Variants in PTPRO observed in about 807,000 individuals in gnomAD.
PTPRO encodes protein tyrosine phosphatase receptor type O.
A neutral mutation model predicts 145.2 loss-of-function variants in PTPRO; 62 were observed. That is an observed-to-expected ratio of 0.43 (90% CI 0.35 to 0.53). PTPRO has a LOEUF of 0.53. PTPRO is among the 20% of genes least tolerant of loss of function. The pLI, the probability that PTPRO is intolerant of heterozygous loss-of-function variation, is 0.01. For synonymous variants in PTPRO, 565 were observed against 514.7 expected (o/e 1.10, Z -1.32); for missense variants, 1,345 against 1,482.7 (o/e 0.91, Z 1.53).
At chr12:15,420,168 A>T (rs1231480009) in intron 1 of PTPRO, among the ~76,000 whole-genome samples, 1 of 150,636 alleles carries the variant, frequency 6.6e-6, no homozygotes, top group Non-Finnish European at 1.5e-5. Context: ...AAAAAAAAAA[A>T]AAAGAGTGTC....
At chr12:15,514,836 T>C (rs1219415771) in intron 7 of PTPRO, among the ~76,000 whole-genome samples, 1 of 152,100 alleles carries the variant, frequency 6.6e-6, no homozygotes, top group East Asian at 1.9e-4. Context: ...CAAACTCGGC[T>C]CACTGCACCT....
At chr12:15,547,345 T>C (rs12822797) in intron 13 of PTPRO, among the ~76,000 whole-genome samples, 3,767 of 152,256 alleles carry the variant, frequency 0.025, 145 homozygotes, top group African/African-American at 0.083. Flanking sequence ...GAGATGAACC[T>C]GCAGTTCTAT....
rs75688713 is a variant in PTPRO at position 15,589,632 on chromosome 12, C to T, written c.3546+42C>T. 5.6e-4 allele frequency: 900 copies of T among 1,608,968 alleles called. 6 individuals are homozygous for T. In the East Asian group the frequency reaches 0.015, roughly 27 times the overall value. On this transcript the variant is annotated intron_variant, in intron 25 of 26. Transcript: ENST00000281171. ...TATGTATTTTTAAATTTTCCCTGGA[C>T]TGAAAAACTTACCATTATTCAATGA...
At chr12:15,380,400 G>T (rs1938821147) in intron 1 of PTPRO, among the ~76,000 whole-genome samples, 1 of 151,984 alleles carries the variant, frequency 6.6e-6, no homozygotes, top group Admixed American at 6.6e-5. Flanking sequence ...ACTAAATGAG[G>T]CAAGGAGAAG....
chr12:15,541,448 C>T (rs1943178557), intron 12 of PTPRO, among the ~76,000 whole-genome samples: 1 of 152,136 alleles, frequency 6.6e-6, no homozygotes. Flanking sequence ...CTAGGGCTGT[C>T]ATAGCAAAAT....
chr12:15,557,032 G>GTTTTTTTTTTTTTTTTT (rs552264784), intron 15 of PTPRO, among the ~76,000 whole-genome samples: 1 of 139,920 alleles, frequency 7.1e-6, no homozygotes, highest in African/African-American at 2.6e-5. Flanking sequence ...CTTTTATTTT[G>GTTTTTTTTTTTTTTTTT]TTTTTTTTTT....
chr12:15,491,928 T>A (rs1187040454), intron 2 of PTPRO, among the ~76,000 whole-genome samples: 1 of 150,238 alleles, frequency 6.7e-6, no homozygotes, highest in Non-Finnish European at 1.5e-5. Context: ...CAGCAAAGAT[T>A]CTTCCTGTTT....
intron 1 of PTPRO, among the ~76,000 whole-genome samples, chr12:15,469,511 C>G (rs1941490993): frequency 6.6e-6 from 1 of 152,138 alleles, no homozygotes; most frequent in Non-Finnish European, 1.5e-5. Context: ...CAGACACCAG[C>G]CAAGCACAGC....
At chr12:15,404,467 T>A (rs1939593713) in intron 1 of PTPRO, among the ~76,000 whole-genome samples, 1 of 152,192 alleles carries the variant, frequency 6.6e-6, no homozygotes, top group Non-Finnish European at 1.5e-5. Context: ...GGAATTTTTT[T>A]ATTTATTTGT....
chr12:15,447,209 T>A (rs1940924095), intron 1 of PTPRO, among the ~76,000 whole-genome samples: 1 of 152,102 alleles, frequency 6.6e-6, no homozygotes, highest in South Asian at 2.1e-4. Context: ...ACGGCTATGA[T>A]TTTTGTCTTT....
chr12:15,395,525 A>G (rs143387153), intron 1 of PTPRO, among the ~76,000 whole-genome samples: 106 of 152,176 alleles, frequency 7.0e-4, no homozygotes, highest in African/African-American at 2.2e-3. Flanking sequence ...TAAAAAAAAA[A>G]TCTTCCTATA....
In PTPRO at chr12:15,555,940, A is replaced by G. The variant is rs73313525; in HGVS notation, c.2559-1515A>G. ...TCTAACAATTTCATCATGGTGATGCATATGACCAATATTTCAAGATATCTG... is the reference window on the plus strand; with the variant it reads ...TCTAACAATTTCATCATGGTGATGCGTATGACCAATATTTCAAGATATCTG... On this transcript the variant is annotated intron_variant, in intron 15 of 26. Coordinates refer to ENST00000281171, the MANE Select transcript of PTPRO (RefSeq NM_030667.3). Among the ~76,000 whole-genome samples the G allele has an allele frequency of 1.9e-3, 282 of 152,376 alleles. 1 individual carries two copies. The highest frequency in any genetic ancestry group is 6.5e-3 in the African/African-American group (270 of 41,590).
At chr12:15,586,649 CTTAAG>C (rs1040567703) in intron 23 of PTPRO, among the ~76,000 whole-genome samples, 11 of 152,276 alleles carry the variant, frequency 7.2e-5, no homozygotes, top group Non-Finnish European at 7.4e-5. Flanking sequence ...CCCTAATCTG[CTTAAG>C]TGTTGTCCAC....
At chr12:15,523,624 A>G (rs1170570344) in intron 10 of PTPRO, among the ~76,000 whole-genome samples, 1 of 152,082 alleles carries the variant, frequency 6.6e-6, no homozygotes, top group African/African-American at 2.4e-5. Context: ...AAAATATAAA[A>G]ATTAGCTGGA....
intron 1 of PTPRO, among the ~76,000 whole-genome samples, chr12:15,441,853 G>C (rs1219489391): frequency 6.6e-6 from 1 of 152,054 alleles, no homozygotes; most frequent in Non-Finnish European, 1.5e-5. Flanking sequence ...AATTGAATCA[G>C]TAATAAAATA....
intron 1 of PTPRO, among the ~76,000 whole-genome samples, chr12:15,325,519 A>AT (rs1591702786): frequency 6.6e-6 from 1 of 152,164 alleles, no homozygotes; most frequent in African/African-American, 2.4e-5. Context: ...GAAAATTTTT[A>AT]TTTTTATATC....
intron 23 of PTPRO, among the ~76,000 whole-genome samples, chr12:15,586,573 T>C (rs914801145): frequency 2.6e-5 from 4 of 152,184 alleles, no homozygotes; most frequent in Non-Finnish European, 4.4e-5. Context: ...CAACAGCACT[T>C]TCTACAGTGT....
chr12:15,473,875 T>C (rs539408401), intron 1 of PTPRO, among the ~76,000 whole-genome samples: 8 of 152,256 alleles, frequency 5.3e-5, no homozygotes, highest in Admixed American at 2.0e-4. Context: ...GTTAGCATTT[T>C]TACGAAAGAC....
chr12:15,417,395 G>T (rs978573041), intron 1 of PTPRO, among the ~76,000 whole-genome samples: 4 of 151,708 alleles, frequency 2.6e-5, no homozygotes, highest in African/African-American at 9.8e-5. Flanking sequence ...AACACAAACA[G>T]CTTGAAAACA....
Sources: gnomAD v4.1 joint callset for allele counts (sites outside exome capture counted in the v4.1 genomes callset) on GRCh38, gnomAD v4.1.1 for gene constraint, MANE v1.5 for transcripts, NCBI Gene and HGNC (gene_info 2026-07-23, HGNC 2026-07-21) for gene names.